Variants in CFAP299 observed in about 807,000 individuals in gnomAD.
The protein encoded by CFAP299 is cilia- and flagella-associated protein 299.
Under a neutral mutation model 27.0 loss-of-function variants are expected in CFAP299, and 21 were observed. The observed-to-expected ratio is 0.78, with a 90% CI of 0.55 to 1.12. The LOEUF (loss-of-function observed/expected upper bound fraction) is 1.12. Ranked by LOEUF, CFAP299 falls within the 50% of genes most tolerant of loss-of-function variation. The probability of loss-of-function intolerance (pLI) is 0.00; values close to 1 mark genes in which losing one functional copy is unlikely to be tolerated. For missense variants in CFAP299, 310 were observed against 276.6 expected (o/e 1.12, Z -0.86); for synonymous variants, 104 against 98.1 (o/e 1.06, Z -0.36).
intron 3 of CFAP299, 79 bp downstream of exon 3, chr4:80,583,262 C>G: frequency 1.3e-6 from 1 of 747,382 alleles, no homozygotes; most frequent in Admixed American, 2.7e-5. Context: ...CATTAAATAT[C>G]TTTCTTAAAG....
intron 3 of CFAP299, among the ~76,000 whole-genome samples, chr4:80,835,597 G>A (rs974350817): frequency 2.3e-4 from 35 of 152,074 alleles, no homozygotes; most frequent in African/African-American, 7.5e-4. Context: ...CTCTTATGTT[G>A]TAAAGTTTTT....
intron 3 of CFAP299, among the ~76,000 whole-genome samples, chr4:80,737,626 G>T (rs1723985094): frequency 6.6e-6 from 1 of 152,000 alleles, no homozygotes; most frequent in Non-Finnish European, 1.5e-5. Flanking sequence ...GATATCAGTT[G>T]TAATGTCTCC....
At chr4:80,639,323 C>G (rs543466515) in intron 3 of CFAP299, among the ~76,000 whole-genome samples, 1 of 152,274 alleles carries the variant, frequency 6.6e-6, no homozygotes, top group South Asian at 2.1e-4. Context: ...GCAGTGTCCG[C>G]TCTTCACCTC....
At chr4:80,648,679 G>A (rs1173667934) in intron 3 of CFAP299, among the ~76,000 whole-genome samples, 2 of 152,074 alleles carry the variant, frequency 1.3e-5, no homozygotes, top group African/African-American at 4.8e-5. Context: ...AAAATATACA[G>A]CTGATAGATG....
At chr4:80,449,572 TA>T (rs1728800183) in intron 2 of CFAP299, among the ~76,000 whole-genome samples, 2 of 151,846 alleles carry the variant, frequency 1.3e-5, no homozygotes. Flanking sequence ...ATTATATGCT[TA>T]ATACATTCAA....
At chr4:80,917,450 A>G (rs895118472) in intron 4 of CFAP299, among the ~76,000 whole-genome samples, 3 of 152,166 alleles carry the variant, frequency 2.0e-5, no homozygotes, top group African/African-American at 7.2e-5. Flanking sequence ...TCTAGATTTG[A>G]AAAAGGAATT....
At chr4:80,338,283 A>AT (rs571433842) in intron 1 of CFAP299, among the ~76,000 whole-genome samples, 69 of 152,270 alleles carry the variant, frequency 4.5e-4, no homozygotes, top group East Asian at 7.7e-4. Context: ...CATAATTATC[A>AT]TTTTTTTGTG....
chr4:80,445,683 C>A (rs974242809), intron 2 of CFAP299, among the ~76,000 whole-genome samples: 15 of 151,292 alleles, frequency 9.9e-5, no homozygotes, highest in African/African-American at 3.6e-4. Flanking sequence ...AAAAAAAAAA[C>A]ATTTAAAGTA....
At chr4:80,910,591 T>C (rs750260707) in intron 4 of CFAP299, among the ~76,000 whole-genome samples, 3 of 152,058 alleles carry the variant, frequency 2.0e-5, no homozygotes, top group Non-Finnish European at 4.4e-5. Context: ...CAAATACTGT[T>C]TGTTCTAACT....
Position 80,379,637 on chromosome 4 carries a change from G to T in CFAP299, c.242+16753G>T, listed in dbSNP as rs531012625. Among the ~76,000 whole-genome samples, 92 of 151,778 alleles carry T rather than the reference G, an allele frequency of 6.1e-4. 1 individual carries two copies. The South Asian group carries it at 0.012, about 21-fold the overall frequency. On this transcript the variant is annotated intron_variant, in intron 2 of 5. Transcript: ENST00000358105. ...ATTTTAATTTTCACTCAATTCAAAG[G>T]CTTTATAATTTCCTTTATAACTCTT...
At chr4:80,756,129 T>C (rs893728280) in intron 3 of CFAP299, among the ~76,000 whole-genome samples, 1 of 152,128 alleles carries the variant, frequency 6.6e-6, no homozygotes, top group Non-Finnish European at 1.5e-5. Flanking sequence ...CACACAATTC[T>C]CCATCAGAAA....
rs1394397561 is a variant in CFAP299 at position 80,706,932 on chromosome 4, C to T, written c.333+123749C>T. ...AGGCGTGAATATACATTTATAAGTA[C>T]CGCCCCTCTCCCCACAAAGTGGTTG... On this transcript the variant is annotated intron_variant, in intron 3 of 5. Transcript: ENST00000358105. Among the ~76,000 whole-genome samples, 4 of 151,950 alleles carry T rather than the reference C, an allele frequency of 2.6e-5. No homozygotes were observed. In the East Asian group the frequency reaches 7.7e-4, roughly 29 times the overall value.
intron 3 of CFAP299, among the ~76,000 whole-genome samples, chr4:80,809,600 T>C (rs72879988): frequency 0.034 from 5,103 of 152,140 alleles, 207 homozygotes; most frequent in African/African-American, 0.1. Flanking sequence ...TGCAAAGGCT[T>C]TTTGCTGCAG....
chr4:80,824,342 G>A (rs764093464), intron 3 of CFAP299, among the ~76,000 whole-genome samples: 9 of 152,096 alleles, frequency 5.9e-5, no homozygotes, highest in African/African-American at 1.9e-4. Context: ...TGTTTATGGC[G>A]CAGTTTATAC....
chr4:80,424,824 T>A (rs1445868408), intron 2 of CFAP299, among the ~76,000 whole-genome samples: 7 of 152,158 alleles, frequency 4.6e-5, no homozygotes, highest in Non-Finnish European at 1.0e-4. Flanking sequence ...TATATTAAAC[T>A]GTCGTCAATC....
intron 3 of CFAP299, among the ~76,000 whole-genome samples, chr4:80,588,415 T>C (rs997142910): frequency 1.3e-5 from 2 of 151,118 alleles, no homozygotes; most frequent in Non-Finnish European, 2.9e-5. Context: ...AAGTATGTCA[T>C]TGTTTCAATA....
At chr4:80,813,036 G>A (rs1729235116) in intron 3 of CFAP299, among the ~76,000 whole-genome samples, 3 of 151,990 alleles carry the variant, frequency 2.0e-5, no homozygotes, top group African/African-American at 7.2e-5. Flanking sequence ...AAAGCGCATT[G>A]CTTTAAAACT....
intron 2 of CFAP299, among the ~76,000 whole-genome samples, chr4:80,477,746 T>C (rs563192834): frequency 7.2e-4 from 110 of 152,302 alleles, no homozygotes; most frequent in Non-Finnish European, 1.2e-3. Flanking sequence ...GTCTCTATTC[T>C]CCCATTTGTC....
At position 80,558,350 on chromosome 4, in the gene CFAP299, G is replaced by GTTT. The variant is rs1352651407; in HGVS notation, c.243-24742_243-24740dup. On this transcript the variant is annotated intron_variant, in intron 2 of 5. Transcript: ENST00000358105. The stretch of plus-strand genomic sequence containing the variant: ...GAAGACTTTTGTGGTTTTTTTGTTT[G>GTTT]TTTGTTTGTTTGTTTGTTTTTTTTT... Among the ~76,000 whole-genome samples the GTTT allele has an allele frequency of 2.0e-3, 261 of 132,126 alleles. 5 individuals are homozygous for GTTT. The highest frequency in any genetic ancestry group is 6.4e-3 in the African/African-American group (212 of 32,990). 86.7% of individuals were successfully genotyped at this position (132,126 alleles called of 152,430 possible).
Sources: gnomAD v4.1 joint callset for allele counts (sites outside exome capture counted in the v4.1 genomes callset) on GRCh38, gnomAD v4.1.1 for gene constraint, MANE v1.5 for transcripts, NCBI Gene and HGNC (gene_info 2026-07-23, HGNC 2026-07-21) for gene names.